MAML2: variants seen among roughly 807,000 people sequenced by gnomAD.
MAML2 encodes mastermind like transcriptional coactivator 2.
MAML2 carries 22 observed loss-of-function variants against 96.1 expected under a neutral mutation model. That is an observed-to-expected ratio of 0.23 (90% CI 0.16 to 0.33). The LOEUF (loss-of-function observed/expected upper bound fraction) is 0.33. Ranked by LOEUF, MAML2 falls within the 10% of genes least tolerant of loss-of-function variation. The pLI, the probability that MAML2 is intolerant of heterozygous loss-of-function variation, is 1.00. For missense variants in MAML2, 1,367 were observed against 1,392.4 expected (o/e 0.98, Z 0.29); for synonymous variants, 561 against 521.3 (o/e 1.08, Z -1.04).
chr11:96,026,821 T>TA (rs34892837), intron 2 of MAML2, among the ~76,000 whole-genome samples: 80 of 134,708 alleles, frequency 5.9e-4, no homozygotes, highest in African/African-American at 8.1e-4. Flanking sequence ...GCTATGGGGT[T>TA]AAAAAAAAAA....
At chr11:96,061,005 G>A (rs1480689866) in intron 2 of MAML2, among the ~76,000 whole-genome samples, 1 of 152,140 alleles carries the variant, frequency 6.6e-6, no homozygotes, top group Admixed American at 6.5e-5. Context: ...GACCTAGAAC[G>A]AGCTTTCTTA....
chr11:96,202,397 G>A (rs1232113858), intron 1 of MAML2, among the ~76,000 whole-genome samples: 1 of 151,496 alleles, frequency 6.6e-6, no homozygotes, highest in Admixed American at 6.6e-5. Flanking sequence ...TTTTATTGGA[G>A]TAACCAAGTC....
Position 96,049,972 on chromosome 11 carries a change from T to G in MAML2, c.2139+41920A>C, listed in dbSNP as rs536943040. ...ACTCACTTAAGTAGATCAAACCCCA[T>G]CCAACCGTGTTGGAATTCACTCACG... is the stretch of plus-strand genomic sequence containing the variant. On this transcript the variant is annotated intron_variant, in intron 2 of 4. Transcript: ENST00000524717. Among the ~76,000 whole-genome samples, 4 of 152,270 alleles carry G rather than the reference T, an allele frequency of 2.6e-5. No homozygotes were observed. In the East Asian group the frequency reaches 7.7e-4, roughly 29 times the overall value.
intron 1 of MAML2, among the ~76,000 whole-genome samples, chr11:96,153,911 CAATAAATAAATAAATAAATA>C (rs59318960): frequency 0.42 from 57,686 of 137,922 alleles, 12,074 homozygotes; most frequent in East Asian, 0.85. Flanking sequence ...GACTCCGTCT[CAATAAATAAATAAATAAATA>C]AATAAATAAA....
chr11:96,338,206 C>T (rs533755126), intron 1 of MAML2, among the ~76,000 whole-genome samples: 6 of 152,328 alleles, frequency 3.9e-5, no homozygotes, highest in Admixed American at 3.9e-4. Context: ...ACAGTTCATT[C>T]AAAGATTCAA....
chr11:96,102,744 G>A (rs1410430515), intron 1 of MAML2, among the ~76,000 whole-genome samples: 2 of 152,086 alleles, frequency 1.3e-5, no homozygotes, highest in Admixed American at 6.5e-5. Flanking sequence ...ACTAGTTACT[G>A]CAATTGTTAT....
At chr11:96,126,775 A>G (rs748441603) in intron 1 of MAML2, among the ~76,000 whole-genome samples, 2 of 152,220 alleles carry the variant, frequency 1.3e-5, no homozygotes, top group Non-Finnish European at 1.5e-5. Flanking sequence ...ATATTCATTG[A>G]TTCATTCAAC....
intron 1 of MAML2, among the ~76,000 whole-genome samples, chr11:96,254,712 G>A (rs189195074): frequency 2.5e-4 from 38 of 152,266 alleles, no homozygotes; most frequent in African/African-American, 7.9e-4. Flanking sequence ...ATTAAAAGTC[G>A]TTCCAGAGCA....
chr11:96,084,718 C>A (rs1019998366), intron 2 of MAML2, among the ~76,000 whole-genome samples: 1 of 152,152 alleles, frequency 6.6e-6, no homozygotes, highest in South Asian at 2.1e-4. Context: ...TGGACAAAGA[C>A]TCAGAGTCAC....
rs1255603680 is a variant in MAML2, at chr11:96,251,922, C to T, written c.513+89461G>A. Among the ~76,000 whole-genome samples the T allele has an allele frequency of 5.9e-5, 9 of 151,826 alleles. No individual in the cohort carries two copies. The East Asian group carries it at 1.4e-3, about 23-fold the overall frequency. ...AATTTTTTTGTATTTTTAGTAGAGA[C>T]GGGGTTTCACCATGTTAGCCAGGAT... On this transcript the variant is annotated intron_variant, in intron 1 of 4. Transcript: ENST00000524717.
chr11:96,151,744 T>A (rs564794571), intron 1 of MAML2, among the ~76,000 whole-genome samples: 18 of 152,152 alleles, frequency 1.2e-4, no homozygotes, highest in Non-Finnish European at 2.4e-4. Flanking sequence ...CCCTGAGGCC[T>A]CCCCAGAGCA....
At chr11:96,001,324 G>A (rs1328213645) in intron 2 of MAML2, among the ~76,000 whole-genome samples, 2 of 152,102 alleles carry the variant, frequency 1.3e-5, no homozygotes, top group African/African-American at 2.4e-5. Context: ...GGAAGAGTTT[G>A]GTAACTCAGG....
chr11:96,134,954 G>A (rs181232444), intron 1 of MAML2, among the ~76,000 whole-genome samples: 2 of 152,352 alleles, frequency 1.3e-5, no homozygotes, highest in Admixed American at 1.3e-4. Context: ...AAGTAGGGAT[G>A]ATAATAACAG....
chr11:96,210,397 C>T (rs1346940864), intron 1 of MAML2, among the ~76,000 whole-genome samples: 2 of 152,222 alleles, frequency 1.3e-5, no homozygotes, highest in Non-Finnish European at 2.9e-5. Flanking sequence ...GCATGAGCCA[C>T]TGTGCCCACC....
intron 1 of MAML2, among the ~76,000 whole-genome samples, chr11:96,149,377 A>C (rs1860880857): frequency 7.2e-6 from 1 of 138,234 alleles, no homozygotes; most frequent in Non-Finnish European, 1.5e-5. Context: ...AGATCACGTC[A>C]CTGCACTCCA....
chr11:96,133,411 C>T (rs1454937379), intron 1 of MAML2, among the ~76,000 whole-genome samples: 2 of 151,812 alleles, frequency 1.3e-5, no homozygotes, highest in Non-Finnish European at 2.9e-5. Context: ...TCGCAAGCAC[C>T]CAGATCTGCT....
intron 1 of MAML2, among the ~76,000 whole-genome samples, chr11:96,337,895 CCT>C (rs1379923904): frequency 6.6e-6 from 1 of 152,204 alleles, no homozygotes; most frequent in Non-Finnish European, 1.5e-5. Flanking sequence ...GCATGATTGT[CCT>C]CTCTGTTCCA....
intron 1 of MAML2, among the ~76,000 whole-genome samples, chr11:96,321,661 C>T (rs535975088): frequency 3.4e-4 from 51 of 152,190 alleles, no homozygotes; most frequent in African/African-American, 1.1e-3. Flanking sequence ...GGTTTTTGTT[C>T]TAAATATAGG....
chr11:96,015,912 A>C (rs1858344946), intron 2 of MAML2, among the ~76,000 whole-genome samples: 1 of 152,072 alleles, frequency 6.6e-6, no homozygotes, highest in South Asian at 2.1e-4. Flanking sequence ...TATTATTATT[A>C]TTTAACTTCT....
Sources: gnomAD v4.1 joint callset for allele counts (sites outside exome capture counted in the v4.1 genomes callset) on GRCh38, gnomAD v4.1.1 for gene constraint, MANE v1.5 for transcripts, NCBI Gene and HGNC (gene_info 2026-07-23, HGNC 2026-07-21) for gene names.